Variants in CNTNAP4 observed in about 807,000 individuals in gnomAD.
The protein encoded by CNTNAP4 is contactin-associated protein-like 4.
Under a neutral mutation model 148.4 loss-of-function variants are expected in CNTNAP4, and 98 were observed. That is an observed-to-expected ratio of 0.66 (90% CI 0.56 to 0.78). CNTNAP4 has a LOEUF of 0.78. Among genes scored for constraint, CNTNAP4 ranks in the 30% least tolerant of loss-of-function variants. CNTNAP4 has a pLI of 0.00. For synonymous variants in CNTNAP4, 730 were observed against 565.1 expected, an observed-to-expected ratio of 1.29 and a Z score of -4.14; for missense variants, 1,935 against 1,565.6, an observed-to-expected ratio of 1.24 and a Z score of -3.98.
chr16:76,399,644 A>G (rs1267710847), intron 3 of CNTNAP4, among the ~76,000 whole-genome samples: 3 of 152,180 alleles, frequency 2.0e-5, no homozygotes. Context: ...TATCTTTTGC[A>G]TTTCCTTTTT....
At chr16:76,556,662 C>A (rs1212889557) in intron 23 of CNTNAP4, among the ~76,000 whole-genome samples, 2 of 152,140 alleles carry the variant, frequency 1.3e-5, no homozygotes, top group Admixed American at 6.5e-5. Context: ...TATAGCAATT[C>A]AACTGTTTAT....
chr16:76,396,212 G>T (rs1449118768), intron 3 of CNTNAP4, among the ~76,000 whole-genome samples: 1 of 152,170 alleles, frequency 6.6e-6, no homozygotes, highest in African/African-American at 2.4e-5. Context: ...TCAAGGGGAT[G>T]ACTTCACTTG....
intron 3 of CNTNAP4, among the ~76,000 whole-genome samples, chr16:76,406,346 C>G (rs79808447): frequency 2.0e-5 from 3 of 151,938 alleles, no homozygotes; most frequent in East Asian, 1.9e-4. Flanking sequence ...TGGCTGTTCC[C>G]GCATCTCTCT....
intron 1 of CNTNAP4, among the ~76,000 whole-genome samples, chr16:76,289,592 A>C (rs1272406161): frequency 7.0e-6 from 1 of 143,242 alleles, no homozygotes. Flanking sequence ...TTTTTTTTTG[A>C]GACAGAGTCT....
Position 76,528,511 on chromosome 16 carries a change from C to T in CNTNAP4, c.2755+6254C>T, listed in dbSNP as rs550047491. 1.8e-4 allele frequency among the ~76,000 whole-genome samples: 27 copies of T among 152,272 alleles called. No homozygotes were observed. In the East Asian group the frequency reaches 2.7e-3, roughly 15 times the overall value. ...AACTCCTGGGTTCAAAAGATCCACC[C>T]GCCTTGGCCTCCCAAAATGCTGGGA... On this transcript the variant is annotated intron_variant, in intron 17 of 23. Transcript: ENST00000611870.
chr16:76,541,630 A>G (rs943582565), intron 21 of CNTNAP4, among the ~76,000 whole-genome samples: 6 of 152,296 alleles, frequency 3.9e-5, no homozygotes, highest in South Asian at 2.1e-4. Flanking sequence ...TTGTACCTCA[A>G]TTAATCATTC....
At chr16:76,527,545 T>C (rs796897275) in intron 17 of CNTNAP4, among the ~76,000 whole-genome samples, 4 of 152,312 alleles carry the variant, frequency 2.6e-5, no homozygotes, top group African/African-American at 9.6e-5. Flanking sequence ...GGCAAATGAA[T>C]GAGGTAAACG....
chr16:76,364,233 CAAAAAAAAAAAAAA>C (rs58589609), intron 3 of CNTNAP4, among the ~76,000 whole-genome samples: 2 of 48,182 alleles, frequency 4.2e-5, no homozygotes, highest in Admixed American at 4.2e-4. Flanking sequence ...GATTCCATCT[CAAAAAAAAAAAAAA>C]AAAAAAAAAA....
intron 1 of CNTNAP4, among the ~76,000 whole-genome samples, chr16:76,292,888 C>G (rs1415153786): frequency 2.6e-5 from 4 of 152,060 alleles, no homozygotes; most frequent in East Asian, 3.9e-4. Flanking sequence ...ATTGCTAAAC[C>G]AGAACCAGTG....
intron 17 of CNTNAP4, among the ~76,000 whole-genome samples, chr16:76,523,590 TA>T (rs2083581050): frequency 6.6e-6 from 1 of 152,146 alleles, no homozygotes; most frequent in African/African-American, 2.4e-5. Flanking sequence ...TAGTTTAACA[TA>T]AATGAAGACA....
intron 2 of CNTNAP4, among the ~76,000 whole-genome samples, chr16:76,349,049 G>A (rs926506428): frequency 1.3e-5 from 2 of 152,056 alleles, no homozygotes; most frequent in Non-Finnish European, 2.9e-5. Flanking sequence ...GGGGCCCAAC[G>A]AATGTCTTAT....
At chr16:76,370,774 C>T (rs1164922087) in intron 3 of CNTNAP4, among the ~76,000 whole-genome samples, 2 of 152,144 alleles carry the variant, frequency 1.3e-5, no homozygotes, top group African/African-American at 4.8e-5. Context: ...CTGAGTGATT[C>T]CTCATTCCCT....
At chr16:76,404,365 T>C (rs2078527875) in intron 3 of CNTNAP4, among the ~76,000 whole-genome samples, 1 of 149,668 alleles carries the variant, frequency 6.7e-6, no homozygotes, top group African/African-American at 2.5e-5. Context: ...TGAAGATAAA[T>C]ATAAATAATA....
intron 3 of CNTNAP4, among the ~76,000 whole-genome samples, chr16:76,414,085 A>G (rs2078895549): frequency 6.6e-6 from 1 of 151,366 alleles, no homozygotes; most frequent in South Asian, 2.1e-4. Context: ...GAAGTTCATT[A>G]CATATTTAAT....
chr16:76,339,587 C>G (rs888654660), intron 2 of CNTNAP4, among the ~76,000 whole-genome samples: 1 of 152,126 alleles, frequency 6.6e-6, no homozygotes, highest in Admixed American at 6.5e-5. Flanking sequence ...AATTTAAGAT[C>G]GTTTGAAATG....
chr16:76,510,373 A>T (rs1341718048), intron 15 of CNTNAP4, among the ~76,000 whole-genome samples: 3 of 152,042 alleles, frequency 2.0e-5, no homozygotes, highest in Non-Finnish European at 2.9e-5. Flanking sequence ...CTGTGGCTAT[A>T]CCACATTTTG....
intron 2 of CNTNAP4, among the ~76,000 whole-genome samples, chr16:76,339,602 C>A (rs1018952773): frequency 1.3e-5 from 2 of 152,148 alleles, no homozygotes; most frequent in African/African-American, 4.8e-5. Context: ...GAAATGTCGC[C>A]TTTGCTCATT....
chr16:76,363,393 C>T (rs149028747), intron 3 of CNTNAP4, among the ~76,000 whole-genome samples: 11 of 151,940 alleles, frequency 7.2e-5, no homozygotes, highest in Admixed American at 6.6e-4. Flanking sequence ...AACTCCCTAC[C>T]TTAGGCAATC....
At chr16:76,339,440 G>A (rs1964287545) in intron 2 of CNTNAP4, among the ~76,000 whole-genome samples, 1 of 152,024 alleles carries the variant, frequency 6.6e-6, no homozygotes, top group Non-Finnish European at 1.5e-5. Flanking sequence ...AGATATTTAT[G>A]TTAAGATACT....
Sources: gnomAD v4.1 joint callset for allele counts (sites outside exome capture counted in the v4.1 genomes callset) on GRCh38, gnomAD v4.1.1 for gene constraint, MANE v1.5 for transcripts, NCBI Gene and HGNC (gene_info 2026-07-23, HGNC 2026-07-21) for gene names.